RBFOX1: variants seen among roughly 807,000 people sequenced by gnomAD.
The protein encoded by RBFOX1 is RNA binding fox-1 homolog 1.
RBFOX1 carries 8 observed loss-of-function variants against 57.7 expected under a neutral mutation model. The ratio of observed to expected loss-of-function variants is 0.14; its 90% CI spans 0.08 to 0.25. The LOEUF (loss-of-function observed/expected upper bound fraction) is 0.25, where lower values mean the gene tolerates loss of function less well. Among genes scored for constraint, RBFOX1 ranks in the 10% least tolerant of loss-of-function variants. The probability of loss-of-function intolerance (pLI) is 1.00; values close to 1 mark genes in which losing one functional copy is unlikely to be tolerated. For synonymous variants in RBFOX1, 326 were observed against 222.4 expected (o/e 1.47, Z -4.15); for missense variants, 611 against 548.5 (o/e 1.11, Z -1.14).
intron 3 of RBFOX1, among the ~76,000 whole-genome samples, chr16:6,744,455 A>T (rs904596400): frequency 3.9e-5 from 6 of 151,902 alleles, no homozygotes; most frequent in Non-Finnish European, 7.4e-5. Context: ...GGGCTGAACT[A>T]TTTTTTTTAA....
chr16:7,316,343 A>T (rs2142975820), intron 4 of RBFOX1, among the ~76,000 whole-genome samples: 1 of 152,328 alleles, frequency 6.6e-6, no homozygotes, highest in African/African-American at 2.4e-5. Flanking sequence ...AATCTTCCTA[A>T]CATTGCATGA....
At chr16:7,116,602 C>G (rs932010242) in intron 4 of RBFOX1, among the ~76,000 whole-genome samples, 3 of 152,134 alleles carry the variant, frequency 2.0e-5, no homozygotes, top group African/African-American at 7.2e-5. Context: ...AAAAGAAAAA[C>G]AAAGCCCACA....
intron 4 of RBFOX1, among the ~76,000 whole-genome samples, chr16:7,492,594 A>G (rs375438860): frequency 6.6e-6 from 1 of 152,312 alleles, no homozygotes; most frequent in East Asian, 1.9e-4. Flanking sequence ...TCCCATCTAA[A>G]TCTCATGTCA....
chr16:5,641,254 C>T (rs187723849), intron 3 of RBFOX1, among the ~76,000 whole-genome samples: 1 of 152,282 alleles, frequency 6.6e-6, no homozygotes, highest in East Asian at 1.9e-4. Flanking sequence ...AACTGAGTAC[C>T]AGTTATTAAA....
chr16:7,430,291 G>A (rs1463389376), intron 4 of RBFOX1, among the ~76,000 whole-genome samples: 1 of 152,130 alleles, frequency 6.6e-6, no homozygotes, highest in Non-Finnish European at 1.5e-5. Context: ...GGTGGTTTAT[G>A]CAATTCCCAA....
At position 6,325,696 on chromosome 16, in the gene RBFOX1, C is replaced by T. The variant is rs149841047; in HGVS notation, c.-64+8639C>T. Among the ~76,000 whole-genome samples, 422 of 152,166 alleles carry T rather than the reference C, an allele frequency of 2.8e-3. 3 individuals carry two copies. Among genetic ancestry groups the T allele is most frequent in the Middle Eastern group, 6.8e-3 (2 of 292 alleles). ...TTTTGGTAAAATAGGCTGGTTAATA[C>T]GATATGGAAACAGGAATTTGGTTTT... is the stretch of plus-strand genomic sequence containing the variant. On this transcript the variant is annotated intron_variant, in intron 2 of 15. Transcript: ENST00000550418.
At chr16:7,272,251 C>G (rs956405802) in intron 4 of RBFOX1, among the ~76,000 whole-genome samples, 3 of 152,088 alleles carry the variant, frequency 2.0e-5, no homozygotes, top group Admixed American at 2.0e-4. Context: ...TTGGTATCAC[C>G]TCGGCTCACT....
At chr16:5,625,106 C>A (rs764811489) in intron 3 of RBFOX1, among the ~76,000 whole-genome samples, 32 of 152,116 alleles carry the variant, frequency 2.1e-4, no homozygotes, top group Non-Finnish European at 3.5e-4. Context: ...ATGGACCCAG[C>A]GTTACCATTT....
At chr16:7,523,350 A>T (rs1374045194) in intron 5 of RBFOX1, among the ~76,000 whole-genome samples, 2 of 152,232 alleles carry the variant, frequency 1.3e-5, no homozygotes, top group African/African-American at 4.8e-5. Context: ...ATGTGTGAGG[A>T]TGCAGAGAAA....
intron 2 of RBFOX1, among the ~76,000 whole-genome samples, chr16:5,484,702 G>A (rs913870546): frequency 4.6e-5 from 7 of 151,990 alleles, no homozygotes; most frequent in Admixed American, 1.3e-4. Context: ...CATGAGGTCA[G>A]GAGATCGAAA....
chr16:7,114,564 A>G (rs1458032379), intron 4 of RBFOX1, among the ~76,000 whole-genome samples: 1 of 152,176 alleles, frequency 6.6e-6, no homozygotes, highest in South Asian at 2.1e-4. Context: ...GAGAAATTGA[A>G]TACCATCTAT....
In RBFOX1 at chr16:7,491,135, C is replaced by G. The variant is rs183098638; in HGVS notation, c.28-27012C>G. 3.3e-3 allele frequency among the ~76,000 whole-genome samples: 502 copies of G among 152,220 alleles called. 1 individual carries two copies. The highest frequency in any genetic ancestry group is 0.012 in the African/African-American group (483 of 41,546). On this transcript the variant is annotated intron_variant, in intron 4 of 15. Transcript: ENST00000550418. Reference sequence around the variant, plus strand: ...TAAAGTCATCAGCCCTCTAATTATACTAAGATATTCAAATCATGAGATTCG... The same window carrying G: ...TAAAGTCATCAGCCCTCTAATTATAGTAAGATATTCAAATCATGAGATTCG...
intron 3 of RBFOX1, among the ~76,000 whole-genome samples, chr16:5,770,138 A>C (rs953914630): frequency 2.0e-5 from 3 of 152,050 alleles, no homozygotes; most frequent in African/African-American, 7.2e-5. Flanking sequence ...TTAATGTTTG[A>C]AGTGATGAGC....
chr16:5,728,825 A>G (rs939080458), intron 3 of RBFOX1, among the ~76,000 whole-genome samples: 3 of 152,048 alleles, frequency 2.0e-5, no homozygotes, highest in Non-Finnish European at 2.9e-5. Context: ...CCCCACCTCC[A>G]GCAAAGTTCC....
rs142811355 is a variant in RBFOX1, at chr16:7,347,285, A to G, written c.28-170862A>G. Among the ~76,000 whole-genome samples the G allele has an allele frequency of 1.5e-3, 229 of 152,302 alleles. 2 individuals carry two copies. Among genetic ancestry groups the G allele is most frequent in the East Asian group, 0.014 (70 of 5,172 alleles). On this transcript the variant is annotated intron_variant, in intron 4 of 15. Coordinates refer to ENST00000550418, the MANE Select transcript of RBFOX1 (RefSeq NM_018723.4). ...CAAATGAGAGAGGCTTATTGGGCTTACAGTTCCAGGTGGCTGGGGAGCCCT... is the reference window on the plus strand; with the variant it reads ...CAAATGAGAGAGGCTTATTGGGCTTGCAGTTCCAGGTGGCTGGGGAGCCCT...
chr16:7,533,832 C>G (rs530338773), intron 5 of RBFOX1, among the ~76,000 whole-genome samples: 31 of 152,276 alleles, frequency 2.0e-4, no homozygotes, highest in Admixed American at 7.2e-4. Context: ...ATACTACATT[C>G]TTCTTCAGTC....
intron 2 of RBFOX1, among the ~76,000 whole-genome samples, chr16:5,520,126 G>T (rs1205655450): frequency 6.6e-6 from 1 of 152,216 alleles, no homozygotes; most frequent in Admixed American, 6.5e-5. Flanking sequence ...GAGGGGAATG[G>T]CTTGTGTGTA....
chr16:7,036,324 A>C (rs1309985857), intron 3 of RBFOX1, among the ~76,000 whole-genome samples: 2 of 152,074 alleles, frequency 1.3e-5, no homozygotes, highest in Non-Finnish European at 2.9e-5. Flanking sequence ...AGCAGTAGCC[A>C]ATTTTTCACA....
intron 3 of RBFOX1, among the ~76,000 whole-genome samples, chr16:5,678,291 T>C (rs572505780): frequency 1.3e-5 from 2 of 152,338 alleles, no homozygotes; most frequent in Admixed American, 1.3e-4. Context: ...TGAATTAGAC[T>C]GTTCTGTGGT....
Sources: gnomAD v4.1 joint callset for allele counts (sites outside exome capture counted in the v4.1 genomes callset) on GRCh38, gnomAD v4.1.1 for gene constraint, MANE v1.5 for transcripts, NCBI Gene and HGNC (gene_info 2026-07-23, HGNC 2026-07-21) for gene names.